The following TCF7L1 variants were observed in gnomAD, a reference collection of about 807,000 sequenced individuals.
TCF7L1 encodes transcription factor 7-like 1.
TCF7L1 carries 18 observed loss-of-function variants against 63.7 expected under a neutral mutation model. The ratio of observed to expected loss-of-function variants is 0.28; its 90% CI spans 0.20 to 0.42. The LOEUF (loss-of-function observed/expected upper bound fraction) is 0.42. Among genes scored for constraint, TCF7L1 ranks in the 10% least tolerant of loss-of-function variants. The pLI is 1.00. For synonymous variants in TCF7L1, 355 were observed against 340.9 expected, an observed-to-expected ratio of 1.04 and a Z score of -0.46; for missense variants, 654 against 779.3, an observed-to-expected ratio of 0.84 and a Z score of 1.91.
chr2:85,264,839 G>A (rs556118893), intron 3 of TCF7L1, among the ~76,000 whole-genome samples: 2 of 152,174 alleles, frequency 1.3e-5, no homozygotes, highest in African/African-American at 2.4e-5. Flanking sequence ...TGCTAACGCC[G>A]TTAGGAGTGT....
chr2:85,160,058 CA>C (rs1678251373), intron 3 of TCF7L1, among the ~76,000 whole-genome samples: 1 of 152,152 alleles, frequency 6.6e-6, no homozygotes, highest in South Asian at 2.1e-4. Flanking sequence ...TTTTTCCTTT[CA>C]AAAATTTTAA....
intron 3 of TCF7L1, among the ~76,000 whole-genome samples, chr2:85,138,375 A>G (rs1835812): frequency 0.54 from 81,515 of 151,996 alleles, 22,420 homozygotes; most frequent in African/African-American, 0.63. Flanking sequence ...TGTATGAAGA[A>G]GTTGTCTGTT....
At chr2:85,218,627 T>A (rs569209309) in intron 3 of TCF7L1, among the ~76,000 whole-genome samples, 1 of 147,518 alleles carries the variant, frequency 6.8e-6, no homozygotes, top group South Asian at 2.2e-4. Context: ...TTAAAATATC[T>A]TTTTATTCCA....
intron 3 of TCF7L1, among the ~76,000 whole-genome samples, chr2:85,262,506 CTG>C (rs1286575870): frequency 6.6e-6 from 1 of 152,138 alleles, no homozygotes; most frequent in African/African-American, 2.4e-5. Flanking sequence ...AGAAAGGAGT[CTG>C]TAGAGGCTGC....
intron 4 of TCF7L1, among the ~76,000 whole-genome samples, chr2:85,284,278 G>A (rs1344664272): frequency 6.6e-6 from 1 of 152,202 alleles, no homozygotes; most frequent in East Asian, 1.9e-4. Context: ...CCAAAGTGCT[G>A]AGATTACAGG....
intron 3 of TCF7L1, among the ~76,000 whole-genome samples, chr2:85,246,046 A>G (rs925948584): frequency 1.3e-5 from 2 of 151,362 alleles, no homozygotes; most frequent in African/African-American, 4.9e-5. Context: ...GACTGTCCAC[A>G]GTGCTGACTC....
At chr2:85,217,590 G>A (rs1255781810) in intron 3 of TCF7L1, among the ~76,000 whole-genome samples, 1 of 152,136 alleles carries the variant, frequency 6.6e-6, no homozygotes, top group African/African-American at 2.4e-5. Flanking sequence ...TGCTGTTGAG[G>A]CACTTTTCTT....
intron 3 of TCF7L1, chr2:85,186,536 A>G (rs1179581893): frequency 6.6e-6 from 1 of 152,206 alleles, no homozygotes; most frequent in East Asian, 1.9e-4. Context: ...AAATATGGTC[A>G]CCATTACCAT....
At chr2:85,283,455 C>G (rs1681471033) in intron 3 of TCF7L1, 40 bp from the exon 4 acceptor site, 1 of 1,610,826 alleles carries the variant, frequency 6.2e-7, no homozygotes, top group African/African-American at 1.3e-5. Flanking sequence ...TGTGAGGCCT[C>G]ATCTCACCAA....
At chr2:85,142,904 G>A (rs539043606) in intron 3 of TCF7L1, among the ~76,000 whole-genome samples, 6 of 152,274 alleles carry the variant, frequency 3.9e-5, no homozygotes, top group Non-Finnish European at 5.9e-5. Context: ...TGACAGATAC[G>A]TTTAAGGTTC....
intron 3 of TCF7L1, among the ~76,000 whole-genome samples, chr2:85,257,836 C>T (rs11904105): frequency 0.46 from 70,238 of 152,008 alleles, 17,647 homozygotes; most frequent in Non-Finnish European, 0.58. Flanking sequence ...CCTCCCGCCA[C>T]GTAGTGAGGG....
intron 3 of TCF7L1, among the ~76,000 whole-genome samples, chr2:85,156,734 C>T (rs1000551812): frequency 4.6e-5 from 7 of 152,210 alleles, no homozygotes; most frequent in African/African-American, 1.7e-4. Context: ...TACCTCTTCA[C>T]TGTATCAAAG....
At chr2:85,158,226 T>C (rs1678196302) in intron 3 of TCF7L1, among the ~76,000 whole-genome samples, 1 of 152,218 alleles carries the variant, frequency 6.6e-6, no homozygotes, top group East Asian at 1.9e-4. Context: ...CTCTGGCTTC[T>C]GCAGCCAAAC....
intron 3 of TCF7L1, among the ~76,000 whole-genome samples, chr2:85,165,992 G>A (rs148936778): frequency 1.3e-5 from 2 of 152,324 alleles, no homozygotes; most frequent in East Asian, 3.9e-4. Context: ...GTATAAATTT[G>A]TGTAACTAAC....
chr2:85,221,354 A>G (rs1198781128), intron 3 of TCF7L1, among the ~76,000 whole-genome samples: 1 of 152,236 alleles, frequency 6.6e-6, no homozygotes, highest in African/African-American at 2.4e-5. Context: ...ATTTCAGCTA[A>G]TAAATGAAGA....
intron 3 of TCF7L1, among the ~76,000 whole-genome samples, chr2:85,238,870 A>G (rs770285270): frequency 5.2e-4 from 79 of 150,556 alleles, no homozygotes; most frequent in Non-Finnish European, 1.5e-4. Flanking sequence ...CCCAGACTGG[A>G]GTGTCGTGGC....
At chr2:85,304,383 C>G in intron 7 of TCF7L1, 45 bp downstream of exon 7, 2 of 1,589,570 alleles carry the variant, frequency 1.3e-6, no homozygotes, top group Non-Finnish European at 1.7e-6. Flanking sequence ...TCTTAGCAAC[C>G]ACGCCATTTC....
intron 3 of TCF7L1, among the ~76,000 whole-genome samples, chr2:85,164,988 T>C (rs72840116): frequency 0.038 from 5,769 of 152,368 alleles, 150 homozygotes; most frequent in Non-Finnish European, 0.054. Context: ...TTTTGATAAC[T>C]GCATTTTACT....
Position 85,309,644 on chromosome 2 carries a change from T to C in TCF7L1, c.*182T>C. On this transcript the variant is annotated 3_prime_UTR_variant, in exon 12 of 12. Coordinates refer to ENST00000282111, the MANE Select transcript of TCF7L1 (RefSeq NM_031283.3). ...CCAGTAGCTGATCTTAAGGCTTTTT[T>C]AAAAAACAAAACAAAACAACAAAAA... The C allele has an allele frequency of 1.9e-6, 1 of 522,656 alleles. No individual in the cohort carries two copies. Among genetic ancestry groups the C allele is most frequent in the East Asian group, 3.3e-5 (1 of 30,084 alleles). The allele number at this position is 522,656 out of a possible 1,614,324, so 32.4% of individuals were successfully genotyped here.
Sources: gnomAD v4.1 joint callset for allele counts (sites outside exome capture counted in the v4.1 genomes callset) on GRCh38, gnomAD v4.1.1 for gene constraint, MANE v1.5 for transcripts, NCBI Gene and HGNC (gene_info 2026-07-23, HGNC 2026-07-21) for gene names.